Variants in DOCK9 observed in about 807,000 individuals in gnomAD.
DOCK9 encodes the protein dedicator of cytokinesis protein 9.
A neutral mutation model predicts 263.3 loss-of-function variants in DOCK9; 89 were observed. The ratio of observed to expected loss-of-function variants is 0.34; its 90% CI spans 0.28 to 0.40. DOCK9 has a LOEUF of 0.40. DOCK9 is among the 10% of genes least tolerant of loss of function. The pLI is 1.00. For synonymous variants in DOCK9, 976 were observed against 973.1 expected, an observed-to-expected ratio of 1.00 and a Z score of -0.06; for missense variants, 2,140 against 2,603.4, an observed-to-expected ratio of 0.82 and a Z score of 3.87.
chr13:99,024,335 C>T (rs1480884034), intron 1 of DOCK9, among the ~76,000 whole-genome samples: 3 of 152,172 alleles, frequency 2.0e-5, no homozygotes, highest in Non-Finnish European at 4.4e-5. Flanking sequence ...TCAAGGACCT[C>T]TTCTTGGCCT....
intron 27 of DOCK9, among the ~76,000 whole-genome samples, chr13:98,870,521 C>A (rs773465478): frequency 2.0e-5 from 3 of 152,142 alleles, no homozygotes; most frequent in Non-Finnish European, 4.4e-5. Context: ...AAGAGGTATC[C>A]CAAGAAATGC....
At chr13:98,935,782 A>G (rs1182471418) in intron 2 of DOCK9, among the ~76,000 whole-genome samples, 2 of 152,120 alleles carry the variant, frequency 1.3e-5, no homozygotes, top group South Asian at 4.2e-4. Context: ...AATAAATAAA[A>G]AATAATAATA....
In DOCK9 at chr13:98,829,239, C is replaced by G; in HGVS notation, c.4965+68G>C. 1 of 1,430,908 alleles carries G rather than the reference C, an allele frequency of 7.0e-7. No individual in the cohort carries two copies. Among genetic ancestry groups the G allele is most frequent in the Non-Finnish European group, 9.5e-7 (1 of 1,056,552 alleles). The allele number at this position is 1,430,908 out of a possible 1,614,324, so 88.6% of individuals were successfully genotyped here. On this transcript the variant is annotated intron_variant, in intron 43 of 52. Coordinates refer to ENST00000682017, the MANE Select transcript of DOCK9 (RefSeq NM_001366683.2). This position sits in a 1 kb window ranked among gnomAD's most constrained non-coding sequence, Gnocchi z 4.1. ...ATGGAATAACTTTTCTCAAAACTGG[C>G]TTTTTAAGTGAATGGGGCCTCACTG...
intron 1 of DOCK9, among the ~76,000 whole-genome samples, chr13:98,997,291 G>T (rs970701463): frequency 6.6e-6 from 1 of 152,202 alleles, no homozygotes; most frequent in African/African-American, 2.4e-5. Flanking sequence ...TGGTTATTCA[G>T]GCAGGGTTCG....
chr13:98,829,760 AG>A lies in DOCK9; in HGVS notation c.4636-5del. The A allele has an allele frequency of 6.3e-7, 1 of 1,597,850 alleles. No homozygotes were observed. Among genetic ancestry groups the A allele is most frequent in the Non-Finnish European group, 8.5e-7 (1 of 1,171,220 alleles). Reference sequence around the variant, plus strand: ...GCTGGCTGACAGATATGATGACCTTAGGGACACACAAACATGAGCAAATCAA... The same window carrying A: ...GCTGGCTGACAGATATGATGACCTTAGGACACACAAACATGAGCAAATCAA... On this transcript the variant is annotated splice_region_variant and splice_polypyrimidine_tract_variant and intron_variant, in intron 41 of 52. Transcript: ENST00000682017. The surrounding 1 kb of genome is among the most constrained non-coding windows in gnomAD (Gnocchi z 4.1).
intron 10 of DOCK9, among the ~76,000 whole-genome samples, chr13:98,904,339 G>C (rs1457295331): frequency 6.6e-6 from 1 of 152,208 alleles, no homozygotes; most frequent in African/African-American, 2.4e-5. Flanking sequence ...GATACCTGTT[G>C]TTTTCTGATG....
Position 98,883,822 on chromosome 13 carries a change from C to T in DOCK9, c.2460G>A (p.Val820=), listed in dbSNP as rs1382960868. The stretch of plus-strand genomic sequence containing the variant: ...TTGAAGGAGCACATACCTGAGTATA[C>T]ACTGTAGAAACCAGATGAGTGGAAA... ...LKISTHLVST[V]YTQDQHLHNF... is the part of the protein sequence containing the mutation. Residue 820 remains valine, a synonymous_variant, in exon 22 of 53, where the codon GTG becomes GTA. Transcript: ENST00000682017. 1 of 1,610,086 alleles carries T rather than the reference C, an allele frequency of 6.2e-7. No individual in the cohort carries two copies. Among genetic ancestry groups the T allele is most frequent in the Non-Finnish European group, 8.5e-7 (1 of 1,178,246 alleles).
At chr13:99,021,413 A>G (rs1010929439) in intron 1 of DOCK9, among the ~76,000 whole-genome samples, 3 of 152,022 alleles carry the variant, frequency 2.0e-5, no homozygotes, top group African/African-American at 7.2e-5. Flanking sequence ...GCCAAGGCGG[A>G]TGGATCACGA....
At chr13:98,849,561 A>G (rs1049644352) in intron 36 of DOCK9, among the ~76,000 whole-genome samples, 10 of 152,160 alleles carry the variant, frequency 6.6e-5, no homozygotes, top group Admixed American at 6.5e-4. Context: ...GTTTTGGATA[A>G]GGGATTGTAA....
rs569840742 is a variant in DOCK9 at position 98,961,681 on chromosome 13, G to GCAGGGCTGAGTCTTGTTATCTTTGCCACC, written c.127-6159_127-6131dup. ...TCAGCTCCACTATCAGTGCCTCAGG[G>GCAGGGCTGAGTCTTGTTATCTTTGCCACC]CAGGGCTGAGTCTTGTTATCTTTGC... On this transcript the variant is annotated intron_variant, in intron 1 of 52. Coordinates refer to ENST00000682017, the MANE Select transcript of DOCK9 (RefSeq NM_001366683.2). 1.5e-3 allele frequency among the ~76,000 whole-genome samples: 234 copies of GCAGGGCTGAGTCTTGTTATCTTTGCCACC among 152,284 alleles called. 1 individual carries two copies. The highest frequency in any genetic ancestry group is 5.4e-3 in the African/African-American group (223 of 41,546).
At chr13:98,933,850 TTATAAA>T (rs2054351703) in intron 2 of DOCK9, among the ~76,000 whole-genome samples, 2 of 151,096 alleles carry the variant, frequency 1.3e-5, no homozygotes, top group African/African-American at 4.9e-5. Flanking sequence ...TGATGATCAG[TTATAAA>T]CCTAGCCTCT....
chr13:98,993,899 AGTT>A (rs1880397155), intron 1 of DOCK9, among the ~76,000 whole-genome samples: 1 of 152,214 alleles, frequency 6.6e-6, no homozygotes, highest in Non-Finnish European at 1.5e-5. Flanking sequence ...GAAGTAAATA[AGTT>A]GTACTTCAAA....
chr13:99,072,243 G>C (rs2041711332), intron 1 of DOCK9, among the ~76,000 whole-genome samples: 3 of 152,056 alleles, frequency 2.0e-5, no homozygotes, highest in African/African-American at 4.8e-5. Context: ...TGTTCTATTT[G>C]GGTTGTCTTC....
chr13:99,021,483 C>CA (rs1886089982), intron 1 of DOCK9, among the ~76,000 whole-genome samples: 1 of 151,670 alleles, frequency 6.6e-6, no homozygotes. Context: ...ACTAAAAATA[C>CA]AAAAAATTAG....
intron 1 of DOCK9, among the ~76,000 whole-genome samples, chr13:99,012,182 C>T (rs1337759354): frequency 1.3e-5 from 2 of 152,158 alleles, no homozygotes; most frequent in Non-Finnish European, 2.9e-5. Flanking sequence ...GTAAGCAATG[C>T]CCTCAATAAC....
At chr13:99,023,143 G>A (rs909963086) in intron 1 of DOCK9, among the ~76,000 whole-genome samples, 1 of 152,206 alleles carries the variant, frequency 6.6e-6, no homozygotes, top group African/African-American at 2.4e-5. Flanking sequence ...AGCAAGACTT[G>A]AAGAGAGATG....
chr13:98,947,603 G>C (rs576815504), intron 2 of DOCK9, among the ~76,000 whole-genome samples: 2 of 147,496 alleles, frequency 1.4e-5, no homozygotes, highest in African/African-American at 2.5e-5. Flanking sequence ...TCCGCCTCCC[G>C]GGTTCAAGTG....
At chr13:98,998,060 G>A (rs937033755) in intron 1 of DOCK9, among the ~76,000 whole-genome samples, 3 of 152,236 alleles carry the variant, frequency 2.0e-5, no homozygotes, top group Non-Finnish European at 4.4e-5. Context: ...TGTCATGCAT[G>A]TGACACCTGC....
chr13:99,014,187 TGCCGCATGGGAGGGGCACTGCCATTACTG>T (rs1285665309), intron 1 of DOCK9, among the ~76,000 whole-genome samples: 1 of 152,238 alleles, frequency 6.6e-6, no homozygotes, highest in East Asian at 1.9e-4. Context: ...AGCAGAAGCT[TGCCGCATGGGAGGGGCACTGCCATTACTG>T]GCCCAAGCAG....
Sources: gnomAD v4.1 joint callset for allele counts (sites outside exome capture counted in the v4.1 genomes callset) on GRCh38, gnomAD v4.1.1 for gene constraint, Gnocchi (gnomAD v3.1) non-coding constraint, MANE v1.5 for transcripts, NCBI Gene and HGNC (gene_info 2026-07-23, HGNC 2026-07-21) for gene names.